The following HMG20B variants were observed in gnomAD, a reference collection of about 807,000 sequenced individuals.
HMG20B encodes high mobility group 20B, also known as SWI/SNF-related matrix-associated actin-dependent regulator of chromatin subfamily E member 1-related.
Under a neutral mutation model 41.6 loss-of-function variants are expected in HMG20B, and 24 were observed. That is an observed-to-expected ratio of 0.58 (90% CI 0.42 to 0.81). HMG20B has a LOEUF of 0.81. Among genes scored for constraint, HMG20B ranks in the 30% least tolerant of loss-of-function variants. HMG20B has a pLI of 0.00. For missense variants in HMG20B, 461 were observed against 444.0 expected (o/e 1.04, Z -0.34); for synonymous variants, 251 against 186.6 (o/e 1.34, Z -2.81).
chr19:3,573,483 A>G lies in HMG20B; in HGVS notation c.38+136A>G, dbSNP rs1309634074. The G allele has an allele frequency of 9.0e-6, 9 of 1,000,676 alleles. No homozygotes were observed. In the Admixed American group the frequency reaches 2.0e-4, roughly 22 times the overall value. The allele number at this position is 1,000,676 out of a possible 1,614,324, so 62.0% of individuals were successfully genotyped here. On this transcript the variant is annotated intron_variant, in intron 2 of 9. Transcript: ENST00000333651. ...GTCAGGGGGCTTCTCCCTCCACCCAATTCTGCACCCCCCACCTCGGCCTCC... is the reference window on the plus strand; with the variant it reads ...GTCAGGGGGCTTCTCCCTCCACCCAGTTCTGCACCCCCCACCTCGGCCTCC...
At position 3,573,736 on chromosome 19, in the gene HMG20B, TGACTGTCA is replaced by T; in HGVS notation, c.84_91del (p.Thr29AlafsTer91). ...CCGGGCCAGCATGGGGGCTTCGTGGTGACTGTCAAGCAAGAGCGCGGCGAGGGTCCACG... is the reference window on the plus strand; with the variant it reads ...CCGGGCCAGCATGGGGGCTTCGTGGTAGCAAGAGCGCGGCGAGGGTCCACG... On this transcript the variant is annotated frameshift_variant, in exon 3 of 10. Coordinates refer to ENST00000333651, the MANE Select transcript of HMG20B (RefSeq NM_006339.3). LOFTEE classifies it high-confidence loss of function. 2.0e-6 allele frequency: 3 copies of T among 1,535,826 alleles called. No individual in the cohort carries two copies. Among genetic ancestry groups the T allele is most frequent in the Non-Finnish European group, 2.6e-6 (3 of 1,145,592 alleles).
Position 3,575,626 on chromosome 19 carries a change from C to T in HMG20B, c.438C>T (p.Cys146=), listed in dbSNP as rs1403535088. 1.3e-6 allele frequency: 2 copies of T among 1,551,438 alleles called. No homozygotes were observed. Among genetic ancestry groups the T allele is most frequent in the Non-Finnish European group, 8.7e-7 (1 of 1,147,136 alleles). ...AGCAGTCTGAAGCCTATAAGATGTG[C>T]ACGGAGAAGATCCAGGAGAAGAAGA... ...AYQQSEAYKM[C]TEKIQEKKIK... is the part of the protein sequence containing the mutation. The change falls in exon 5 of 10, where the codon TGC becomes TGT. Residue 146 remains cysteine, a synonymous_variant. Coordinates refer to ENST00000333651, the MANE Select transcript of HMG20B (RefSeq NM_006339.3).
intron 3 of HMG20B, 162 bp from the exon 4 acceptor site, chr19:3,574,221 C>G: frequency 3.0e-6 from 2 of 668,338 alleles, no homozygotes; most frequent in Non-Finnish European, 5.2e-6. Flanking sequence ...CCACCGTGTC[C>G]CGACTGCTGA....
At chr19:3,575,206 A>C (rs2032131608) in intron 4 of HMG20B, among the ~76,000 whole-genome samples, 1 of 152,206 alleles carries the variant, frequency 6.6e-6, no homozygotes. Context: ...ACTGCTTTGC[A>C]TCCCTGTAAG....
At chr19:3,577,959 G>T (rs750831678) in intron 8 of HMG20B, 22 bp from the exon 9 acceptor site, 1 of 1,567,580 alleles carries the variant, frequency 6.4e-7, no homozygotes, top group Non-Finnish European at 8.6e-7. Flanking sequence ...ACCCTCGCCT[G>T]ACCTTCCCGC....
At chr19:3,578,146 G>A in intron 9 of HMG20B, 33 bp downstream of exon 9, 1 of 1,601,640 alleles carries the variant, frequency 6.2e-7, no homozygotes, top group Non-Finnish European at 8.5e-7. Context: ...CGGGGCCGGG[G>A]TTCAAGGCCC....
intron 8 of HMG20B, among the ~76,000 whole-genome samples, chr19:3,577,390 C>A (rs1413000610): frequency 6.7e-6 from 1 of 149,996 alleles, no homozygotes; most frequent in African/African-American, 2.5e-5. Context: ...CTGACCTCGC[C>A]CCCACCGACC....
At chr19:3,577,821 C>T (rs959186717) in intron 8 of HMG20B, among the ~76,000 whole-genome samples, 160 bp from the exon 9 acceptor site, 1 of 151,736 alleles carries the variant, frequency 6.6e-6, no homozygotes, top group African/African-American at 2.4e-5. Context: ...CCTCCTGCCC[C>T]GGCTTACCTT....
At chr19:3,573,984 G>T (rs892938273) in intron 3 of HMG20B, 184 bp downstream of exon 3, 4 of 710,476 alleles carry the variant, frequency 5.6e-6, no homozygotes, top group African/African-American at 1.7e-5. Flanking sequence ...CTAAGTCCAG[G>T]CCCCGCCCAC....
chr19:3,576,943 A>G lies in HMG20B; in HGVS notation c.644A>G (p.Glu215Gly). 3.8e-6 allele frequency: 6 copies of G among 1,584,544 alleles called. No individual in the cohort carries two copies. The highest frequency in any genetic ancestry group is 5.1e-6 in the Non-Finnish European group (6 of 1,166,962). The change falls in exon 8 of 10, where the codon GAG (glutamate) becomes GGG (glycine). Residue 215 changes from glutamate to glycine, a missense_variant. This residue lies in a region of HMG20B where 308 missense variants were observed against 283.4 expected (regional missense o/e 1.09). Transcript: ENST00000333651. ...CGGAAGATGAATGTGGCCTTCGAGGAGCAGAACGCGGTACTGCAGAGGCAC... is the reference window on the plus strand; with the variant it reads ...CGGAAGATGAATGTGGCCTTCGAGGGGCAGAACGCGGTACTGCAGAGGCAC... Reference protein sequence around the residue: ...RLRKMNVAFEEQNAVLQRHTQ... With the variant: ...RLRKMNVAFEGQNAVLQRHTQ...
chr19:3,573,961 G>T (rs1027565768), intron 3 of HMG20B, 161 bp downstream of exon 3: 1 of 737,016 alleles, frequency 1.4e-6, no homozygotes. Flanking sequence ...CCCCTGACAG[G>T]TCCTCTGCCA....
intron 9 of HMG20B, 126 bp from the exon 10 acceptor site, chr19:3,578,383 G>C: frequency 2.2e-6 from 3 of 1,358,788 alleles, no homozygotes; most frequent in Non-Finnish European, 2.9e-6. Flanking sequence ...TAGGTTCAAC[G>C]CCTGTCCCCC....
Position 3,578,943 on chromosome 19 carries a change from C to T in HMG20B, c.*422C>T, listed in dbSNP as rs563967529. ...GTGGGGACTTACCTGGGGTGTCCCC[C>T]GCATGCCTGTACCCCAGATGGGTGG... On this transcript the variant is annotated 3_prime_UTR_variant, in exon 10 of 10. Coordinates refer to ENST00000333651, the MANE Select transcript of HMG20B (RefSeq NM_006339.3). 10 of 412,964 alleles carry T rather than the reference C, an allele frequency of 2.4e-5. No individual in the cohort carries two copies. The East Asian group carries it at 3.2e-4, about 13-fold the overall frequency. 25.6% of individuals were successfully genotyped at this position (412,964 alleles called of 1,614,324 possible). A position where few individuals can be genotyped will look rare whatever the true frequency, so the allele number is the denominator to read the frequency against.
intron 6 of HMG20B, 64 bp downstream of exon 6, chr19:3,576,371 GAGTC>G: frequency 6.5e-7 from 1 of 1,547,464 alleles, no homozygotes; most frequent in South Asian, 1.1e-5. Flanking sequence ...CTAGAACCCT[GAGTC>G]AGAGCCAGTG....
intron 8 of HMG20B, among the ~76,000 whole-genome samples, chr19:3,577,507 C>T (rs2032197043): frequency 1.4e-5 from 2 of 146,748 alleles, no homozygotes; most frequent in South Asian, 4.4e-4. Flanking sequence ...CTACCGGCCC[C>T]ACCGTCGCTG....
chr19:3,574,348 G>C, intron 3 of HMG20B, 35 bp from the exon 4 acceptor site: 2 of 1,355,098 alleles, frequency 1.5e-6, no homozygotes, highest in East Asian at 4.2e-5. Flanking sequence ...CAGTACGCCA[G>C]GCCCCCCTCC....
At chr19:3,578,478 C>A in intron 9 of HMG20B, 31 bp from the exon 10 acceptor site, 2 of 1,508,638 alleles carry the variant, frequency 1.3e-6, no homozygotes, top group South Asian at 1.3e-5. Flanking sequence ...ATGATGAGGG[C>A]CTCATCCCGG....
intron 3 of HMG20B, 72 bp downstream of exon 3, chr19:3,573,872 G>C (rs1484222404): frequency 1.5e-6 from 2 of 1,355,368 alleles, no homozygotes; most frequent in Non-Finnish European, 2.1e-6. Context: ...GCCCCAGGCT[G>C]GATTTGAATT....
chr19:3,576,700 C>G (rs1453855208), intron 7 of HMG20B, 75 bp downstream of exon 7: 1 of 1,410,332 alleles, frequency 7.1e-7, no homozygotes, highest in African/African-American at 1.4e-5. Flanking sequence ...CAGGAGGGCC[C>G]CAAGACTGCA....
Sources: gnomAD v4.1 joint callset for allele counts (sites outside exome capture counted in the v4.1 genomes callset) on GRCh38, gnomAD v4.1.1 for gene constraint, gnomAD v4.1.1 regional missense constraint, MANE v1.5 for transcripts, NCBI Gene and HGNC (gene_info 2026-07-23, HGNC 2026-07-21) for gene names.